AKAP13: variants seen among roughly 807,000 people sequenced by gnomAD.
AKAP13 encodes the protein A-kinase anchor protein 13.
AKAP13 carries 80 observed loss-of-function variants against 264.5 expected under a neutral mutation model. That is an observed-to-expected ratio of 0.30 (90% CI 0.25 to 0.36). The LOEUF is 0.36. Ranked by LOEUF, AKAP13 falls within the 10% of genes least tolerant of loss-of-function variation. The pLI is 1.00. For missense variants in AKAP13, 3,712 were observed against 3,435.2 expected, an observed-to-expected ratio of 1.08 and a Z score of -2.01; for synonymous variants, 1,380 against 1,250.2, an observed-to-expected ratio of 1.10 and a Z score of -2.19.
chr15:85,475,627 C>G (rs1002888240), intron 1 of AKAP13, among the ~76,000 whole-genome samples: 1 of 152,192 alleles, frequency 6.6e-6, no homozygotes, highest in Non-Finnish European at 1.5e-5. Context: ...CAGCTCTGGT[C>G]CCTATTACCT....
intron 1 of AKAP13, among the ~76,000 whole-genome samples, chr15:85,383,486 T>G (rs1023647077): frequency 5.3e-5 from 8 of 152,214 alleles, no homozygotes; most frequent in African/African-American, 1.7e-4. Context: ...ATAATTTTGG[T>G]ACATTTTTAC....
rs1237400235 is a variant in AKAP13, at chr15:85,708,519, C to G, written c.5532+433C>G. 6.6e-6 allele frequency among the ~76,000 whole-genome samples: 1 copy of G among 152,136 alleles called. No homozygotes were observed. The highest frequency in any genetic ancestry group is 2.4e-5 in the African/African-American group (1 of 41,422). On this transcript the variant is annotated intron_variant, in intron 18 of 36. Coordinates refer to ENST00000394518, the MANE Select transcript of AKAP13 (RefSeq NM_007200.5). The surrounding 1 kb of genome is among the most constrained non-coding windows in gnomAD (Gnocchi z 4.3). ...GGAGGGTGTTATGGTTAGCCCCAGC[C>G]TGTCTGGTAGCACTTTTCTCCTCAG...
intron 19 of AKAP13, among the ~76,000 whole-genome samples, chr15:85,712,875 C>G (rs142504567): frequency 6.6e-6 from 1 of 152,168 alleles, no homozygotes; most frequent in Non-Finnish European, 1.5e-5. Context: ...CTGTTGTACT[C>G]CACTGAGGCA....
chr15:85,493,123 T>C (rs188181531), intron 2 of AKAP13, among the ~76,000 whole-genome samples: 108 of 152,338 alleles, frequency 7.1e-4, no homozygotes, highest in Non-Finnish European at 1.2e-3. Context: ...TTTTGAGTGA[T>C]AAATTGCCTG....
chr15:85,619,897 A>T, intron 8 of AKAP13: 1 of 1,428,944 alleles, frequency 7.0e-7, no homozygotes, highest in Admixed American at 2.9e-5. Flanking sequence ...AGTTCAAGGC[A>T]TTGGATTCTG....
chr15:85,690,120 C>T (rs16943236), intron 16 of AKAP13: 20,821 of 152,256 alleles, frequency 0.14, 1,873 homozygotes, highest in African/African-American at 0.23. Flanking sequence ...AGCCTGACTT[C>T]TTTAAAGCAC....
chr15:85,740,775 A>ACCCCCCCCCCCCCCCCCC (rs34080252), intron 34 of AKAP13, among the ~76,000 whole-genome samples: 12 of 67,392 alleles, frequency 1.8e-4, no homozygotes, highest in Non-Finnish European at 1.6e-4. Flanking sequence ...ACACACAACC[A>ACCCCCCCCCCCCCCCCCC]CCCCCCCCCC....
At chr15:85,433,117 G>GT (rs199655190) in intron 1 of AKAP13, among the ~76,000 whole-genome samples, 4,251 of 52,180 alleles carry the variant, frequency 0.081, 160 homozygotes, top group Non-Finnish European at 0.1. Context: ...CTTCTGTACA[G>GT]TTTTTTTTTT....
At chr15:85,608,222 G>A (rs2080440344) in intron 8 of AKAP13, among the ~76,000 whole-genome samples, 1 of 152,106 alleles carries the variant, frequency 6.6e-6, no homozygotes, top group Admixed American at 6.5e-5. Context: ...ATTTTCCTTG[G>A]GTTGTGGTTA....
intron 5 of AKAP13, among the ~76,000 whole-genome samples, chr15:85,551,045 C>G (rs527847589): frequency 6.6e-6 from 1 of 152,260 alleles, no homozygotes; most frequent in Non-Finnish European, 1.5e-5. Context: ...CTTTTCACAA[C>G]CTGTCTTTAG....
intron 1 of AKAP13, among the ~76,000 whole-genome samples, chr15:85,483,452 C>T (rs1188852366): frequency 6.6e-6 from 1 of 151,774 alleles, no homozygotes; most frequent in Non-Finnish European, 1.5e-5. Flanking sequence ...AGGTGAAACC[C>T]CGTCTCTACT....
intron 11 of AKAP13, among the ~76,000 whole-genome samples, chr15:85,657,334 A>G (rs59360857): frequency 0.018 from 2,719 of 152,304 alleles, 81 homozygotes; most frequent in African/African-American, 0.062. Context: ...TTCTGGAGAT[A>G]GGTAAACAAG....
intron 2 of AKAP13, among the ~76,000 whole-genome samples, chr15:85,520,097 A>T (rs2076759911): frequency 6.6e-6 from 1 of 152,136 alleles, no homozygotes. Context: ...CAGGAATTAT[A>T]TAGTTCGTAA....
At chr15:85,440,242 C>G (rs1412833892) in intron 1 of AKAP13, among the ~76,000 whole-genome samples, 2 of 152,184 alleles carry the variant, frequency 1.3e-5, no homozygotes, top group African/African-American at 2.4e-5. Context: ...TTGACCATGA[C>G]TAGCAGGTCC....
chr15:85,569,451 C>CTTTTTTTTT (rs71468120), intron 5 of AKAP13, among the ~76,000 whole-genome samples: 2 of 121,820 alleles, frequency 1.6e-5, no homozygotes, highest in Admixed American at 8.7e-5. Context: ...TTTTTCTTTT[C>CTTTTTTTTT]TTTTTTTTTT....
chr15:85,507,202 T>C (rs2076252288), intron 2 of AKAP13, among the ~76,000 whole-genome samples: 1 of 152,156 alleles, frequency 6.6e-6, no homozygotes, highest in Non-Finnish European at 1.5e-5. Context: ...TTTTTGTTGA[T>C]GTCTTTGGGG....
At chr15:85,654,514 T>C (rs559329087) in intron 10 of AKAP13, among the ~76,000 whole-genome samples, 1 of 152,242 alleles carries the variant, frequency 6.6e-6, no homozygotes, top group South Asian at 2.1e-4. Flanking sequence ...CTAACATAAA[T>C]TTGATATTTT....
At chr15:85,555,350 C>G (rs564984188) in intron 5 of AKAP13, 1 of 1,068,848 alleles carries the variant, frequency 9.4e-7, no homozygotes, top group African/African-American at 1.6e-5. Context: ...TGCTGCAGTT[C>G]CTTGTCAGAA....
At chr15:85,680,908 C>G (rs12915997) in intron 14 of AKAP13, among the ~76,000 whole-genome samples, 4,615 of 152,262 alleles carry the variant, frequency 0.03, 106 homozygotes, top group Middle Eastern at 0.071. Flanking sequence ...ACCTCGACCT[C>G]CTGGGTTCAA....
Sources: allele counts gnomAD v4.1 joint callset (sites outside exome capture counted in the v4.1 genomes callset), GRCh38; gene constraint gnomAD v4.1.1; non-coding constraint Gnocchi (gnomAD v3.1); transcripts MANE v1.5; gene names NCBI Gene and HGNC (gene_info 2026-07-23, HGNC 2026-07-21).